GMDS: variants seen among roughly 807,000 people sequenced by gnomAD.
GMDS encodes the protein GDP-mannose 4,6 dehydratase.
Under a neutral mutation model 49.9 loss-of-function variants are expected in GMDS, and 20 were observed. The observed-to-expected ratio is 0.40, with a 90% CI of 0.28 to 0.58. The LOEUF (loss-of-function observed/expected upper bound fraction) is 0.58, where lower values mean the gene tolerates loss of function less well. Among genes scored for constraint, GMDS ranks in the 20% least tolerant of loss-of-function variants. The pLI, the probability that GMDS is intolerant of heterozygous loss-of-function variation, is 0.42. For synonymous variants in GMDS, 177 were observed against 178.6 expected (o/e 0.99, Z 0.07); for missense variants, 362 against 481.4 (o/e 0.75, Z 2.32).
At chr6:1,781,492 C>T (rs1769082944) in intron 7 of GMDS, among the ~76,000 whole-genome samples, 2 of 152,218 alleles carry the variant, frequency 1.3e-5, no homozygotes. Context: ...TTCCTCAGGC[C>T]ACTGCTCCCA....
chr6:1,835,871 T>A (rs990228146), intron 7 of GMDS, among the ~76,000 whole-genome samples: 2 of 151,662 alleles, frequency 1.3e-5, no homozygotes, highest in African/African-American at 4.8e-5. Flanking sequence ...TTATTTTATT[T>A]TTTATTTATT....
At chr6:1,926,033 G>T (rs1214237384) in intron 7 of GMDS, among the ~76,000 whole-genome samples, 1 of 152,132 alleles carries the variant, frequency 6.6e-6, no homozygotes, top group Non-Finnish European at 1.5e-5. Flanking sequence ...GGAGAGAGGA[G>T]AGCTCCAGCC....
chr6:1,669,635 G>A (rs1053013636), intron 9 of GMDS, among the ~76,000 whole-genome samples: 1 of 152,118 alleles, frequency 6.6e-6, no homozygotes, highest in South Asian at 2.1e-4. Context: ...GTCACCAGCT[G>A]GGTACAGTGG....
At chr6:1,809,115 G>C (rs557570604) in intron 7 of GMDS, among the ~76,000 whole-genome samples, 10 of 152,286 alleles carry the variant, frequency 6.6e-5, no homozygotes, top group African/African-American at 1.9e-4. Context: ...CATATCTAAT[G>C]AAAGAGGGAT....
At chr6:1,685,555 C>T (rs1366462982) in intron 9 of GMDS, among the ~76,000 whole-genome samples, 1 of 152,042 alleles carries the variant, frequency 6.6e-6, no homozygotes, top group Non-Finnish European at 1.5e-5. Context: ...ATATATTCCT[C>T]GTCTCCATTC....
At chr6:2,015,804 T>C (rs1428164958) in intron 4 of GMDS, among the ~76,000 whole-genome samples, 1 of 152,164 alleles carries the variant, frequency 6.6e-6, no homozygotes, top group African/African-American at 2.4e-5. Context: ...TATCATGCAA[T>C]GTGGCCCAAA....
chr6:2,109,834 T>A (rs1774445492), intron 4 of GMDS, among the ~76,000 whole-genome samples: 1 of 152,254 alleles, frequency 6.6e-6, no homozygotes, highest in Admixed American at 6.5e-5. Context: ...TACTGAATGC[T>A]AACATGCAAT....
intron 8 of GMDS, among the ~76,000 whole-genome samples, chr6:1,731,533 T>C (rs564337194): frequency 6.6e-6 from 1 of 152,312 alleles, no homozygotes; most frequent in South Asian, 2.1e-4. Context: ...TGCAAATTAA[T>C]AGGCAATGGA....
At chr6:2,153,391 T>C (rs1581720178) in intron 1 of GMDS, among the ~76,000 whole-genome samples, 2 of 151,976 alleles carry the variant, frequency 1.3e-5, no homozygotes, top group East Asian at 3.9e-4. Flanking sequence ...AAATACCAAA[T>C]AATTAAAAAG....
At chr6:1,742,688 T>C (rs1322659150) in intron 7 of GMDS, 102 bp from the exon 8 acceptor site, 3 of 662,544 alleles carry the variant, frequency 4.5e-6, no homozygotes, top group Non-Finnish European at 8.2e-6. Flanking sequence ...AGCTGGAACA[T>C]GAGCATGAAT....
chr6:2,207,016 G>A lies in GMDS; in HGVS notation c.102+38305C>T, dbSNP rs1642238117. ...TGCCATGAGGTCAGAGAAAACATAAGTTTTACTTATAAGGTCATGAAAACA... is the reference window on the plus strand; with the variant it reads ...TGCCATGAGGTCAGAGAAAACATAAATTTTACTTATAAGGTCATGAAAACA... On this transcript the variant is annotated intron_variant, in intron 1 of 10. Transcript: ENST00000380815. Among the ~76,000 whole-genome samples the A allele has an allele frequency of 3.9e-5, 6 of 152,168 alleles. No individual in the cohort carries two copies. The South Asian group carries it at 1.2e-3, about 32-fold the overall frequency.
At chr6:1,726,574 AG>A in intron 8 of GMDS, 62 bp from the exon 9 acceptor site, 1 of 1,241,836 alleles carries the variant, frequency 8.1e-7, no homozygotes, top group Non-Finnish European at 1.2e-6. Flanking sequence ...GCCATGCTGT[AG>A]CACCTTGGGA....
chr6:1,922,446 CAG>C (rs1491483759), intron 7 of GMDS, among the ~76,000 whole-genome samples: 1 of 152,194 alleles, frequency 6.6e-6, no homozygotes, highest in Non-Finnish European at 1.5e-5. Context: ...AGGAGGCAGA[CAG>C]GGGCAGGTCC....
At chr6:1,736,264 T>C (rs1324728511) in intron 8 of GMDS, among the ~76,000 whole-genome samples, 1 of 152,182 alleles carries the variant, frequency 6.6e-6, no homozygotes, top group Non-Finnish European at 1.5e-5. Flanking sequence ...GTTAAAAATC[T>C]AAGCATCTTA....
intron 4 of GMDS, among the ~76,000 whole-genome samples, chr6:2,095,695 TC>T (rs1773561312): frequency 6.6e-6 from 1 of 152,200 alleles, no homozygotes; most frequent in Non-Finnish European, 1.5e-5. Flanking sequence ...TTTTAATCTC[TC>T]TTTAATATAC....
chr6:1,627,507 A>T (rs1049968565), intron 9 of GMDS, among the ~76,000 whole-genome samples: 1 of 152,214 alleles, frequency 6.6e-6, no homozygotes, highest in Non-Finnish European at 1.5e-5. Flanking sequence ...GCCATGATAC[A>T]CGTCCCTTTA....
rs75194098 is a variant in GMDS, at chr6:2,073,058, G to C, written c.345+42713C>G. On this transcript the variant is annotated intron_variant, in intron 4 of 10. Transcript: ENST00000380815. ...ACTAATGGTTCTGTTTCCACCATGGGATGTTTAGGTTAGACAGTCAGTGCA... is the reference window on the plus strand; with the variant it reads ...ACTAATGGTTCTGTTTCCACCATGGCATGTTTAGGTTAGACAGTCAGTGCA... Among the ~76,000 whole-genome samples the C allele has an allele frequency of 2.6e-3, 391 of 152,284 alleles. 2 individuals are homozygous for C. Among genetic ancestry groups the C allele is most frequent in the Middle Eastern group, 0.01 (3 of 294 alleles).
intron 9 of GMDS, among the ~76,000 whole-genome samples, chr6:1,684,582 C>T (rs12197376): frequency 0.23 from 34,237 of 151,924 alleles, 4,090 homozygotes; most frequent in East Asian, 0.49. Context: ...AAAGGAAGGC[C>T]AGCACAAAAG....
At chr6:1,800,161 C>G (rs963348684) in intron 7 of GMDS, among the ~76,000 whole-genome samples, 26 of 152,038 alleles carry the variant, frequency 1.7e-4, no homozygotes, top group African/African-American at 6.3e-4. Flanking sequence ...TCGACAAGGT[C>G]TCCTGAAATA....
Sources: allele counts gnomAD v4.1 joint callset (sites outside exome capture counted in the v4.1 genomes callset), GRCh38; gene constraint gnomAD v4.1.1; transcripts MANE v1.5; gene names NCBI Gene and HGNC (gene_info 2026-07-23, HGNC 2026-07-21).